The following DYNC2H1 variants were observed in gnomAD, a reference collection of about 807,000 sequenced individuals.
The protein encoded by DYNC2H1 is cytoplasmic dynein 2 heavy chain 1.
DYNC2H1 carries 410 observed loss-of-function variants against 570.0 expected under a neutral mutation model. The ratio of observed to expected loss-of-function variants is 0.72; its 90% CI spans 0.66 to 0.78. DYNC2H1 has a LOEUF of 0.78. DYNC2H1 is among the 30% of genes least tolerant of loss of function. DYNC2H1 has a pLI of 0.00. For missense variants in DYNC2H1, 4,865 were observed against 5,046.4 expected, an observed-to-expected ratio of 0.96 and a Z score of 1.09; for synonymous variants, 1,688 against 1,677.6, an observed-to-expected ratio of 1.01 and a Z score of -0.15.
chr11:103,176,512 C>T (rs1178578249), intron 37 of DYNC2H1, 78 bp downstream of exon 37: 3 of 1,138,694 alleles, frequency 2.6e-6, no homozygotes, highest in African/African-American at 3.3e-5. Flanking sequence ...TGTCCTTCAT[C>T]TTTCAACTTA....
In DYNC2H1 at chr11:103,245,671, T is replaced by C. The variant is rs1339344362; in HGVS notation, c.10042+297T>C. ...GAAAGCAGGTGTAGCATAAACCATA[T>C]TGTTTGTACAAACAGTTTAGGCACA... On this transcript the variant is annotated intron_variant, in intron 65 of 88. Coordinates refer to ENST00000375735, the MANE Select transcript of DYNC2H1 (RefSeq NM_001377.3). This position sits in a 1 kb window ranked among gnomAD's most constrained non-coding sequence, Gnocchi z 4.5. 2.0e-5 allele frequency among the ~76,000 whole-genome samples: 3 copies of C among 152,120 alleles called. No individual in the cohort carries two copies. The highest frequency in any genetic ancestry group is 4.4e-5 in the Non-Finnish European group (3 of 67,994).
intron 70 of DYNC2H1, among the ~76,000 whole-genome samples, chr11:103,276,926 A>G (rs1261028996): frequency 2.6e-5 from 4 of 152,138 alleles, no homozygotes; most frequent in Non-Finnish European, 4.4e-5. Context: ...CCTCCAAAAA[A>G]GACAGAGTCA....
intron 75 of DYNC2H1, among the ~76,000 whole-genome samples, chr11:103,293,053 G>C (rs1364500226): frequency 1.3e-5 from 2 of 152,280 alleles, no homozygotes; most frequent in Non-Finnish European, 2.9e-5. Context: ...ATGATTTCTT[G>C]TTGCTTGAGA....
intron 80 of DYNC2H1, among the ~76,000 whole-genome samples, chr11:103,320,216 C>A (rs1591572905): frequency 6.6e-6 from 1 of 152,022 alleles, no homozygotes. Context: ...TCCTCCTGAC[C>A]AACATGGTGA....
At chr11:103,418,355 C>G (rs2135709064) in intron 84 of DYNC2H1, among the ~76,000 whole-genome samples, 1 of 152,234 alleles carries the variant, frequency 6.6e-6, no homozygotes, top group South Asian at 2.1e-4. Flanking sequence ...TATATAAAAA[C>G]TTAATTGTAG....
At position 103,147,806 on chromosome 11, in the gene DYNC2H1, A is replaced by C; in HGVS notation, c.2737A>C (p.Asn913His). 2 of 1,609,780 alleles carry C rather than the reference A, an allele frequency of 1.2e-6. No homozygotes were observed. The highest frequency in any genetic ancestry group is 2.2e-5 in the South Asian group (2 of 89,820). Residue 913 changes from asparagine (N) to histidine (H), a missense_variant, in exon 19 of 89, where the codon AAC becomes CAC. Asn to His is a moderately conservative substitution (Grantham distance 68). Coordinates refer to ENST00000375735, the MANE Select transcript of DYNC2H1 (RefSeq NM_001377.3). ...VKVDCLNINC[N>H]PVKTVIDDLI... is the part of the protein sequence containing the mutation. ...GGTAGATTGTTTAAATATTAATTGC[A>C]ACCCTGTGAAGACTGTGATTGATGA...
At chr11:103,136,960 A>G (rs1404192354) in intron 17 of DYNC2H1, among the ~76,000 whole-genome samples, 4 of 151,198 alleles carry the variant, frequency 2.6e-5, no homozygotes, top group Non-Finnish European at 5.9e-5. Flanking sequence ...TTTGATTTGC[A>G]TTTCTCTGAT....
intron 54 of DYNC2H1, among the ~76,000 whole-genome samples, chr11:103,212,660 C>T (rs771151345): frequency 1.3e-5 from 2 of 152,044 alleles, no homozygotes; most frequent in Non-Finnish European, 2.9e-5. Context: ...GAATGTCAGC[C>T]TCTGAAGTTG....
Position 103,455,292 on chromosome 11 carries a change from C to T in DYNC2H1, c.12563C>T (p.Ala4188Val). ...TFLNALRQET[A>V]RAVGRSVDSL... The stretch of plus-strand genomic sequence containing the variant: ...CTTAATGCTCTTCGCCAGGAAACTG[C>T]AAGGTAATTAAAATGAAATACTTTA... Residue 4188 changes from alanine (A) to valine (V), a missense_variant, in exon 86 of 89, where the codon GCA becomes GTA. Ala to Val is a moderately conservative substitution (Grantham distance 64). Around this residue, in one of 5 missense-constraint regions of DYNC2H1, gnomAD observed 2,401 missense variants for 2,454.6 expected, o/e 0.98. Transcript: ENST00000375735. 1 of 1,612,306 alleles carries T rather than the reference C, an allele frequency of 6.2e-7. No individual in the cohort carries two copies. The highest frequency in any genetic ancestry group is 8.5e-7 in the Non-Finnish European group (1 of 1,178,716).
intron 50 of DYNC2H1, among the ~76,000 whole-genome samples, chr11:103,202,294 ATTTTTTT>A (rs10635156): frequency 2.3e-5 from 3 of 132,702 alleles, no homozygotes; most frequent in African/African-American, 5.4e-5. Context: ...AGAAACACAG[ATTTTTTT>A]TTTTTTTTTT....
At chr11:103,113,069 T>C (rs1302400221) in intron 1 of DYNC2H1, among the ~76,000 whole-genome samples, 1 of 152,236 alleles carries the variant, frequency 6.6e-6, no homozygotes, top group Non-Finnish European at 1.5e-5. Context: ...GCATGTATAA[T>C]TTTAAAAGCA....
chr11:103,154,638 A>G (rs962375024), intron 23 of DYNC2H1, 32 bp downstream of exon 23: 1 of 1,577,970 alleles, frequency 6.3e-7, no homozygotes, highest in Non-Finnish European at 8.6e-7. Flanking sequence ...TAGACTAATA[A>G]TTTGGTTGTT....
Position 103,186,100 on chromosome 11 carries a change from A to G in DYNC2H1, c.6634-142A>G, listed in dbSNP as rs1862055839. 2 of 769,108 alleles carry G rather than the reference A, an allele frequency of 2.6e-6. No homozygotes were observed. Among genetic ancestry groups the G allele is most frequent in the Non-Finnish European group, 4.0e-6 (2 of 495,836 alleles). The allele number at this position is 769,108 out of a possible 1,614,324, so 47.6% of individuals were successfully genotyped here. On this transcript the variant is annotated intron_variant, in intron 41 of 88. Coordinates refer to ENST00000375735, the MANE Select transcript of DYNC2H1 (RefSeq NM_001377.3). This position sits in a 1 kb window ranked among gnomAD's most constrained non-coding sequence, Gnocchi z 4.5. ...AAAAATATTTGAGATAAAATGTTAC[A>G]TTAATGATAAAATAGGTTTAGTTTA...
At chr11:103,337,513 T>G (rs373686730) in intron 82 of DYNC2H1, among the ~76,000 whole-genome samples, 1 of 152,246 alleles carries the variant, frequency 6.6e-6, no homozygotes, top group Non-Finnish European at 1.5e-5. Context: ...TGTATGAATA[T>G]TCTCCTTTCT....
chr11:103,250,451 A>G (rs544939364), intron 65 of DYNC2H1, among the ~76,000 whole-genome samples: 16 of 152,228 alleles, frequency 1.1e-4, no homozygotes, highest in Non-Finnish European at 2.4e-4. Context: ...CACGTCACCC[A>G]GATAGTGGAC....
intron 65 of DYNC2H1, among the ~76,000 whole-genome samples, chr11:103,248,543 G>T (rs1319817541): frequency 1.3e-5 from 2 of 152,030 alleles, no homozygotes; most frequent in Non-Finnish European, 2.9e-5. Flanking sequence ...TATATTCATT[G>T]TTATGTCAGG....
rs777223901 is a variant in DYNC2H1 at position 103,456,336 on chromosome 11, G to A, written c.12628G>A (p.Glu4210Lys). 2 of 1,604,446 alleles carry A rather than the reference G, an allele frequency of 1.2e-6. No individual in the cohort carries two copies. Among genetic ancestry groups the A allele is most frequent in the Non-Finnish European group, 1.7e-6 (2 of 1,175,008 alleles). Residue 4210 changes from glutamate to lysine, a missense_variant, in exon 87 of 89, where the codon GAA (glutamate) becomes AAA (lysine). Physicochemically the swap from Glu to Lys is moderately conservative, Grantham distance 56. This residue lies in a region of DYNC2H1 where 2,401 missense variants were observed against 2,454.6 expected (regional missense o/e 0.98). Transcript: ENST00000375735. Reference protein sequence around the residue: ...FVASWKGRLQEAKLQIKISGL... With the variant: ...FVASWKGRLQKAKLQIKISGL... ...AGCCTCATGGAAAGGTCGACTGCAA[G>A]AAGCAAAGCTACAAATTAAGGTACT...
At chr11:103,311,539 A>G (rs1262673142) in intron 78 of DYNC2H1, among the ~76,000 whole-genome samples, 1 of 152,130 alleles carries the variant, frequency 6.6e-6, no homozygotes, top group Non-Finnish European at 1.5e-5. Flanking sequence ...CTGTCCCATA[A>G]CAATCAATAT....
Position 103,120,517 on chromosome 11 carries a change from G to A in DYNC2H1, c.1070G>A (p.Cys357Tyr). Residue 357 changes from cysteine (C) to tyrosine (Y), a missense_variant, in exon 7 of 89, where the codon TGC (cysteine) becomes TAC (tyrosine). This residue lies in a region of DYNC2H1 where 1,936 missense variants were observed against 1,962.1 expected (regional missense o/e 0.99). Coordinates refer to ENST00000375735, the MANE Select transcript of DYNC2H1 (RefSeq NM_001377.3). Reference protein sequence around the residue: ...FLPASEEKIICLTRVFEPFTG... With the variant: ...FLPASEEKIIYLTRVFEPFTG... ...CCTGCCAGTGAAGAGAAAATCATAT[G>A]CCTCACTCGAGTATTTGAACCTTTT... 1.9e-6 allele frequency: 3 copies of A among 1,612,978 alleles called. No individual in the cohort carries two copies. The highest frequency in any genetic ancestry group is 2.5e-6 in the Non-Finnish European group (3 of 1,179,364).
Sources: gnomAD v4.1 joint callset for allele counts (sites outside exome capture counted in the v4.1 genomes callset) on GRCh38, gnomAD v4.1.1 for gene constraint, gnomAD v4.1.1 regional missense constraint, Gnocchi (gnomAD v3.1) non-coding constraint, MANE v1.5 for transcripts, NCBI Gene and HGNC (gene_info 2026-07-23, HGNC 2026-07-21) for gene names.